TP63: variants seen among roughly 807,000 people sequenced by gnomAD.
TP63 encodes the protein tumor protein p63.
Under a neutral mutation model 82.8 loss-of-function variants are expected in TP63, and 17 were observed. The ratio of observed to expected loss-of-function variants is 0.21; its 90% confidence interval spans 0.14 to 0.31. The LOEUF is 0.31. TP63 is among the 10% of genes least tolerant of loss of function. The pLI is 1.00. For synonymous variants in TP63, 330 were observed against 321.7 expected, an observed-to-expected ratio of 1.03 and a Z score of -0.28; for missense variants, 648 against 895.3, an observed-to-expected ratio of 0.72 and a Z score of 3.52.
chr3:189,705,894 A>G (rs139486012), intron 1 of TP63, among the ~76,000 whole-genome samples: 41 of 152,326 alleles, frequency 2.7e-4, no homozygotes, highest in East Asian at 2.3e-3. Flanking sequence ...TCACAATGCC[A>G]GCAGCCATTT....
At position 189,895,599 on chromosome 3, in the gene TP63, G is replaced by T. The variant is rs1424725473; in HGVS notation, c.*1097G>T. 1 of 223,848 alleles carries T rather than the reference G, an allele frequency of 4.5e-6. No individual in the cohort carries two copies. The highest frequency in any genetic ancestry group is 8.9e-6 in the Non-Finnish European group (1 of 112,422). The allele number at this position is 223,848 out of a possible 1,614,324, so 13.9% of individuals were successfully genotyped here. The stretch of plus-strand genomic sequence containing the variant: ...GGGTAAATAGGAATCATTCAGAAAT[G>T]TTGAGTCTGTACTAAACAGTAAGAT... On this transcript the variant is annotated 3_prime_UTR_variant, in exon 14 of 14. Transcript: ENST00000264731.
chr3:189,677,832 A>G (rs1187442326), intron 1 of TP63, among the ~76,000 whole-genome samples: 1 of 152,022 alleles, frequency 6.6e-6, no homozygotes, highest in Non-Finnish European at 1.5e-5. Flanking sequence ...TTTCATTTGC[A>G]TTTCTCTGAT....
chr3:189,719,064 A>G (rs1231912583), intron 1 of TP63, among the ~76,000 whole-genome samples: 1 of 152,122 alleles, frequency 6.6e-6, no homozygotes, highest in Admixed American at 6.5e-5. Flanking sequence ...CCGTAATTGA[A>G]GTGTAGGGTA....
At chr3:189,844,290 G>A (rs1386010605) in intron 4 of TP63, 4 of 412,550 alleles carry the variant, frequency 9.7e-6, no homozygotes, top group Non-Finnish European at 1.5e-5. Context: ...TCCTTTCTCA[G>A]CCTCCCAAGT....
At chr3:189,743,737 G>A (rs866524138) in intron 3 of TP63, among the ~76,000 whole-genome samples, 19 of 152,206 alleles carry the variant, frequency 1.2e-4, no homozygotes, top group Admixed American at 8.5e-4. Flanking sequence ...GGAAAAAACC[G>A]GAATTCAACA....
chr3:189,804,017 T>G (rs185449819), intron 3 of TP63, among the ~76,000 whole-genome samples: 14 of 152,338 alleles, frequency 9.2e-5, no homozygotes, highest in African/African-American at 3.1e-4. Context: ...AGGGAGAACC[T>G]GCTTCCTATT....
chr3:189,620,115 G>A, the TP63 span, among the ~76,000 whole-genome samples: 2 of 152,374 alleles, frequency 1.3e-5, no homozygotes, highest in South Asian at 2.1e-4. Flanking sequence ...GCTCATGCCT[G>A]TAATCCCAGC....
chr3:189,831,720 T>C (rs1309131820), intron 4 of TP63, among the ~76,000 whole-genome samples: 1 of 151,832 alleles, frequency 6.6e-6, no homozygotes, highest in Admixed American at 6.6e-5. Flanking sequence ...ATTAAAGTGG[T>C]ATTTGGCTGA....
At chr3:189,824,557 C>T (rs973491517) in intron 4 of TP63, among the ~76,000 whole-genome samples, 8 of 152,018 alleles carry the variant, frequency 5.3e-5, no homozygotes, top group South Asian at 4.1e-4. Flanking sequence ...TAGGCTGTGC[C>T]GGGGCTGCTG....
chr3:189,737,566 C>T (rs1053912397), intron 1 of TP63, among the ~76,000 whole-genome samples, 174 bp from the exon 2 acceptor site: 1 of 152,184 alleles, frequency 6.6e-6, no homozygotes, highest in Non-Finnish European at 1.5e-5. Context: ...AAATTGGATT[C>T]ATTACACTAC....
intron 4 of TP63, among the ~76,000 whole-genome samples, chr3:189,847,033 G>A (rs892461539): frequency 6.6e-6 from 1 of 152,020 alleles, no homozygotes. Flanking sequence ...TGGTAACTGC[G>A]TTCTCTAAGA....
chr3:189,639,959 A>G lies in TP63; in HGVS notation c.62+8382A>G, dbSNP rs188424664. ...ATGCTGACATTTTATCAATGTGTTC[A>G]ATTTTTACAGCTTCCTTAAAAACAT... On this transcript the variant is annotated intron_variant, in intron 1 of 13. Transcript: ENST00000264731. 5.3e-5 allele frequency among the ~76,000 whole-genome samples: 8 copies of G among 152,242 alleles called. No homozygotes were observed. The East Asian group carries it at 7.7e-4, about 15-fold the overall frequency.
intron 4 of TP63, among the ~76,000 whole-genome samples, chr3:189,831,528 G>A (rs577377145): frequency 6.4e-4 from 97 of 151,592 alleles, no homozygotes; most frequent in Admixed American, 2.3e-3. Context: ...TGAGGATGAG[G>A]ACACGGAAGC....
In TP63 at chr3:189,882,482, C is replaced by G. The variant is rs201233148; in HGVS notation, c.1350-3912C>G. ...GTTTTCCCTTTTTTTTTTTTTTTTC[C>G]TGACCTTTCTCATAACAAGGATGCT... On this transcript the variant is annotated intron_variant, in intron 10 of 13. Coordinates refer to ENST00000264731, the MANE Select transcript of TP63 (RefSeq NM_003722.5). Among the ~76,000 whole-genome samples the G allele has an allele frequency of 2.2e-5, 3 of 137,574 alleles. No homozygotes were observed. In the East Asian group the frequency reaches 6.1e-4, roughly 28 times the overall value. The allele number at this position is 137,574 out of a possible 152,430, so 90.3% of individuals were successfully genotyped here.
chr3:189,675,943 AAC>A (rs1459816033), intron 1 of TP63, among the ~76,000 whole-genome samples: 1 of 96,836 alleles, frequency 1.0e-5, no homozygotes, highest in Non-Finnish European at 2.2e-5. Flanking sequence ...TAGAGCCAGA[AAC>A]ACACACATTC....
intron 4 of TP63, among the ~76,000 whole-genome samples, chr3:189,811,077 T>C (rs923199892): frequency 1.3e-5 from 2 of 152,144 alleles, no homozygotes; most frequent in Non-Finnish European, 1.5e-5. Flanking sequence ...AGGGATACAC[T>C]GTGGTGATGA....
chr3:189,866,369 C>T (rs140643234), intron 5 of TP63, among the ~76,000 whole-genome samples: 17 of 152,200 alleles, frequency 1.1e-4, no homozygotes, highest in Non-Finnish European at 1.9e-4. Context: ...GGCAAAATTT[C>T]CTCCACGATG....
intron 4 of TP63, chr3:189,829,804 T>C (rs1308540580): frequency 8.2e-6 from 2 of 242,576 alleles, no homozygotes; most frequent in Non-Finnish European, 1.7e-5. Flanking sequence ...AAGATTTCTA[T>C]ACTGCTGACA....
chr3:189,649,974 G>T lies in TP63; in HGVS notation c.62+18397G>T, dbSNP rs572222548. 1.1e-4 allele frequency among the ~76,000 whole-genome samples: 16 copies of T among 147,224 alleles called. 2 individuals carry two copies. Among genetic ancestry groups the T allele is most frequent in the African/African-American group, 4.1e-4 (16 of 39,338 alleles). On this transcript the variant is annotated intron_variant, in intron 1 of 13. Coordinates refer to ENST00000264731, the MANE Select transcript of TP63 (RefSeq NM_003722.5). ...ACTCTATGCTGTGTAGGAAATAAATGTATAGACCAAGTTTAGGGGCTATTG... is the reference window on the plus strand; with the variant it reads ...ACTCTATGCTGTGTAGGAAATAAATTTATAGACCAAGTTTAGGGGCTATTG...
Sources: allele counts gnomAD v4.1 joint callset (sites outside exome capture counted in the v4.1 genomes callset), GRCh38; gene constraint gnomAD v4.1.1; transcripts MANE v1.5; gene names NCBI Gene and HGNC (gene_info 2026-07-23, HGNC 2026-07-21).